The following GULP1 variants were observed in gnomAD, a reference collection of about 807,000 sequenced individuals.
GULP1 encodes GULP PTB domain containing engulfment adaptor 1.
GULP1 carries 19 observed loss-of-function variants against 40.9 expected under a neutral mutation model. The observed-to-expected ratio is 0.46, with a 90% confidence interval of 0.32 to 0.68. The LOEUF is 0.68. Ranked by LOEUF, GULP1 falls within the 30% of genes least tolerant of loss-of-function variation. The probability of loss-of-function intolerance (pLI) is 0.03; values close to 1 mark genes in which losing one functional copy is unlikely to be tolerated. For synonymous variants in GULP1, 119 were observed against 117.6 expected (o/e 1.01, Z -0.08); for missense variants, 312 against 362.2 (o/e 0.86, Z 1.12).
rs374494561 is a variant in GULP1, at chr2:188,567,619, C to T, written c.400-1620C>T. On this transcript the variant is annotated intron_variant, in intron 7 of 11. Coordinates refer to ENST00000409830, the MANE Select transcript of GULP1 (RefSeq NM_016315.4). ...CACATGGACACAGAGAGGGGAACAACACACACCAGGACCCATTAGGGGGTG... is the reference window on the plus strand; with the variant it reads ...CACATGGACACAGAGAGGGGAACAATACACACCAGGACCCATTAGGGGGTG... 2.6e-4 allele frequency among the ~76,000 whole-genome samples: 40 copies of T among 152,166 alleles called. 1 individual carries two copies. The highest frequency in any genetic ancestry group is 9.4e-4 in the African/African-American group (39 of 41,522).
At chr2:188,364,782 A>C (rs1193016585) in intron 1 of GULP1, among the ~76,000 whole-genome samples, 2 of 143,718 alleles carry the variant, frequency 1.4e-5, no homozygotes, top group African/African-American at 4.9e-5. Context: ...TACATGATAT[A>C]TATACATATA....
At chr2:188,547,129 T>C (rs2153357509) in intron 7 of GULP1, among the ~76,000 whole-genome samples, 1 of 151,994 alleles carries the variant, frequency 6.6e-6, no homozygotes, top group South Asian at 2.1e-4. Context: ...TAAACAGGAA[T>C]TAATGCTATT....
intron 2 of GULP1, among the ~76,000 whole-genome samples, chr2:188,392,793 T>C (rs757791313): frequency 3.9e-5 from 6 of 152,088 alleles, no homozygotes; most frequent in Non-Finnish European, 7.4e-5. Flanking sequence ...GTCGCTATTA[T>C]GCTTCATTTC....
chr2:188,380,018 T>C (rs1262782948), intron 1 of GULP1, among the ~76,000 whole-genome samples: 2 of 152,212 alleles, frequency 1.3e-5, no homozygotes, highest in African/African-American at 4.8e-5. Context: ...TATACAGACT[T>C]ATTTTCCTCT....
chr2:188,538,663 A>C (rs1298150108), intron 6 of GULP1, among the ~76,000 whole-genome samples: 1 of 150,586 alleles, frequency 6.6e-6, no homozygotes, highest in Non-Finnish European at 1.5e-5. Flanking sequence ...AAGAATGCTG[A>C]TTGCGGTATG....
intron 2 of GULP1, among the ~76,000 whole-genome samples, chr2:188,438,242 C>G (rs1300203608): frequency 6.6e-6 from 1 of 151,976 alleles, no homozygotes; most frequent in Admixed American, 6.6e-5. Flanking sequence ...TTTCAGCCCC[C>G]AACTTGCACT....
In GULP1 at chr2:188,593,921, A is replaced by G; in HGVS notation, c.844-19A>G. The G allele has an allele frequency of 7.2e-7, 1 of 1,390,314 alleles. No individual in the cohort carries two copies. The highest frequency in any genetic ancestry group is 1.0e-6 in the Non-Finnish European group (1 of 978,754). 86.1% of individuals were successfully genotyped at this position (1,390,314 alleles called of 1,614,324 possible). ...GCTGTAAGCATTTCAGATATTAATT[A>G]TTTTATTCTGTTTTACAGGAGGGGT... On this transcript the variant is annotated intron_variant, in intron 11 of 11. Coordinates refer to ENST00000409830, the MANE Select transcript of GULP1 (RefSeq NM_016315.4).
At chr2:188,377,178 A>C (rs1485342354) in intron 1 of GULP1, among the ~76,000 whole-genome samples, 1 of 152,168 alleles carries the variant, frequency 6.6e-6, no homozygotes, top group Non-Finnish European at 1.5e-5. Flanking sequence ...TCTCAAAAAA[A>C]AAAAAAGAAA....
chr2:188,571,487 C>CT (rs1394888334), intron 9 of GULP1, among the ~76,000 whole-genome samples: 2 of 152,244 alleles, frequency 1.3e-5, no homozygotes, highest in Middle Eastern at 3.4e-3. Context: ...AGTAGGGCTC[C>CT]TATGGCCTTG....
chr2:188,414,434 G>T (rs1439816230), intron 2 of GULP1, among the ~76,000 whole-genome samples: 1 of 152,058 alleles, frequency 6.6e-6, no homozygotes, highest in Non-Finnish European at 1.5e-5. Context: ...TGATTTATTA[G>T]TATGAATCTA....
chr2:188,585,305 C>T (rs1403742360), intron 10 of GULP1, among the ~76,000 whole-genome samples: 1 of 152,176 alleles, frequency 6.6e-6, no homozygotes, highest in Non-Finnish European at 1.5e-5. Context: ...GTGGATCTAC[C>T]ATTCGGGGGT....
chr2:188,469,244 G>T (rs1166979953), intron 2 of GULP1, among the ~76,000 whole-genome samples: 1 of 152,172 alleles, frequency 6.6e-6, no homozygotes, highest in Non-Finnish European at 1.5e-5. Context: ...TCTAGGCCTG[G>T]CCTTGTCATA....
In GULP1 at chr2:188,571,215, C is replaced by G. The variant is rs1469887091; in HGVS notation, c.609+1095C>G. ...ATGAACTGAAAAAAGAAATTTGTTG[C>G]AAAATTTTTTATGGAAGCTTATTGT... On this transcript the variant is annotated intron_variant, in intron 9 of 11. Transcript: ENST00000409830. 2.0e-5 allele frequency among the ~76,000 whole-genome samples: 3 copies of G among 151,948 alleles called. No homozygotes were observed. In the East Asian group the frequency reaches 5.8e-4, roughly 29 times the overall value.
At chr2:188,358,830 A>G (rs1308868277) in intron 1 of GULP1, among the ~76,000 whole-genome samples, 1 of 152,106 alleles carries the variant, frequency 6.6e-6, no homozygotes, top group Non-Finnish European at 1.5e-5. Flanking sequence ...AATAGTCATT[A>G]GTTTAATTAA....
chr2:188,521,600 A>G (rs141981121), intron 4 of GULP1, among the ~76,000 whole-genome samples: 1,856 of 152,272 alleles, frequency 0.012, 19 homozygotes, highest in South Asian at 0.054. Context: ...TAAAACCATC[A>G]GATCTCATGA....
rs145538569 is a variant in GULP1, at chr2:188,408,388, A to G, written c.-45+24499A>G. ...TAACTATACTTTTATCAGATAAAAGAGACATTAAGTCAAAAACTGTAAAAT... is the reference window on the plus strand; with the variant it reads ...TAACTATACTTTTATCAGATAAAAGGGACATTAAGTCAAAAACTGTAAAAT... On this transcript the variant is annotated intron_variant, in intron 2 of 11. Transcript: ENST00000409830. Among the ~76,000 whole-genome samples, 673 of 152,326 alleles carry G rather than the reference A, an allele frequency of 4.4e-3. 5 individuals are homozygous for G. Among genetic ancestry groups the G allele is most frequent in the African/African-American group, 0.015 (638 of 41,564 alleles).
At chr2:188,505,388 A>G (rs1376102233) in intron 4 of GULP1, among the ~76,000 whole-genome samples, 1 of 151,748 alleles carries the variant, frequency 6.6e-6, no homozygotes, top group Non-Finnish European at 1.5e-5. Flanking sequence ...AATCATCTAC[A>G]ATCCCGAGTC....
At chr2:188,323,583 T>C (rs2040305150) in intron 1 of GULP1, among the ~76,000 whole-genome samples, 1 of 151,830 alleles carries the variant, frequency 6.6e-6, no homozygotes, top group Non-Finnish European at 1.5e-5. Context: ...CTCCAAAAAG[T>C]GTGCAGTTAA....
intron 1 of GULP1, among the ~76,000 whole-genome samples, chr2:188,303,335 G>T (rs2036474881): frequency 6.6e-6 from 1 of 152,154 alleles, no homozygotes. Context: ...CGCTTTAGCT[G>T]AAATAGTTAA....
Sources: allele counts gnomAD v4.1 joint callset (sites outside exome capture counted in the v4.1 genomes callset), GRCh38; gene constraint gnomAD v4.1.1; transcripts MANE v1.5; gene names NCBI Gene and HGNC (gene_info 2026-07-23, HGNC 2026-07-21).